COMMD10: variants seen among roughly 807,000 people sequenced by gnomAD.
COMMD10 encodes COMM domain containing 10.
COMMD10 carries 33 observed loss-of-function variants against 28.9 expected under a neutral mutation model. That is an observed-to-expected ratio of 1.14 (90% confidence interval 0.87 to 1.53). The LOEUF (loss-of-function observed/expected upper bound fraction) is 1.53, where lower values mean the gene tolerates loss of function less well. COMMD10 is among the 40% of genes most tolerant of loss of function. The pLI is 0.00. For synonymous variants in COMMD10, 110 were observed against 81.7 expected, an observed-to-expected ratio of 1.35 and a Z score of -1.87; for missense variants, 310 against 233.4, an observed-to-expected ratio of 1.33 and a Z score of -2.14.
At chr5:116,193,547 A>T (rs1001166548) in intron 5 of COMMD10, among the ~76,000 whole-genome samples, 1 of 152,184 alleles carries the variant, frequency 6.6e-6, no homozygotes, top group Non-Finnish European at 1.5e-5. Flanking sequence ...GACAAAACAA[A>T]CTTTAAAGCA....
intron 5 of COMMD10, among the ~76,000 whole-genome samples, chr5:116,168,541 A>G (rs1753210168): frequency 1.3e-5 from 2 of 152,128 alleles, no homozygotes; most frequent in Non-Finnish European, 2.9e-5. Flanking sequence ...TCTTCTCAGC[A>G]CTGCATCCCG....
chr5:116,277,198 T>C (rs1750940543), intron 5 of COMMD10, among the ~76,000 whole-genome samples: 1 of 151,882 alleles, frequency 6.6e-6, no homozygotes, highest in Admixed American at 6.6e-5. Flanking sequence ...TAGTACACAA[T>C]AGACATATTT....
intron 5 of COMMD10, among the ~76,000 whole-genome samples, chr5:116,193,556 C>A (rs1748428955): frequency 6.6e-6 from 1 of 152,090 alleles, no homozygotes; most frequent in African/African-American, 2.4e-5. Context: ...AACTTTAAAG[C>A]AACAGCAGTT....
chr5:116,168,304 G>T (rs1245371442), intron 5 of COMMD10, among the ~76,000 whole-genome samples: 1 of 152,070 alleles, frequency 6.6e-6, no homozygotes, highest in African/African-American at 2.4e-5. Context: ...AAATATATAT[G>T]CACGCAATAC....
At chr5:116,286,193 A>G (rs997161190) in intron 5 of COMMD10, among the ~76,000 whole-genome samples, 1 of 151,466 alleles carries the variant, frequency 6.6e-6, no homozygotes, top group Non-Finnish European at 1.5e-5. Context: ...TTTCTATGGC[A>G]TCTGTTATAA....
chr5:116,147,529 C>G (rs2112546391), intron 5 of COMMD10, among the ~76,000 whole-genome samples: 1 of 151,850 alleles, frequency 6.6e-6, no homozygotes, highest in East Asian at 1.9e-4. Flanking sequence ...GGTTGACTAT[C>G]TGAAATTGAC....
intron 5 of COMMD10, among the ~76,000 whole-genome samples, chr5:116,194,735 C>G (rs773993437): frequency 4.6e-5 from 7 of 152,036 alleles, no homozygotes; most frequent in Admixed American, 6.6e-5. Context: ...AGAATTCTAC[C>G]AGACATTCAA....
chr5:116,243,486 T>G (rs1001720723), intron 5 of COMMD10, among the ~76,000 whole-genome samples: 4 of 152,154 alleles, frequency 2.6e-5, no homozygotes, highest in African/African-American at 9.7e-5. Context: ...AAATTCCTAT[T>G]TGTCACACTA....
At chr5:116,138,529 C>T (rs1395547689) in intron 5 of COMMD10, among the ~76,000 whole-genome samples, 1 of 151,610 alleles carries the variant, frequency 6.6e-6, no homozygotes, top group Non-Finnish European at 1.5e-5. Flanking sequence ...TTTTTTTCCC[C>T]AGTAAATTTC....
At chr5:116,251,003 C>A (rs542380376) in intron 5 of COMMD10, among the ~76,000 whole-genome samples, 5 of 151,914 alleles carry the variant, frequency 3.3e-5, no homozygotes, top group Non-Finnish European at 5.9e-5. Flanking sequence ...CTACCAGTTC[C>A]TGCCTTAAGT....
intron 2 of COMMD10, 148 bp from the exon 3 acceptor site, chr5:116,090,931 A>G: frequency 1.8e-6 from 1 of 547,028 alleles, no homozygotes; most frequent in South Asian, 2.9e-5. Context: ...CATATGTTTT[A>G]TAAATTTACA....
chr5:116,149,278 T>C (rs7702591), intron 5 of COMMD10, among the ~76,000 whole-genome samples: 107,090 of 132,212 alleles, frequency 0.81, 43,689 homozygotes, highest in Non-Finnish European at 0.83. Context: ...GGGTTGGTTC[T>C]AAGTCTTTGC....
intron 5 of COMMD10, among the ~76,000 whole-genome samples, chr5:116,232,835 T>C (rs1749562860): frequency 6.6e-6 from 1 of 152,182 alleles, no homozygotes; most frequent in African/African-American, 2.4e-5. Context: ...TTTACATATA[T>C]TAACTTGTTA....
chr5:116,206,413 G>A (rs554413970), intron 5 of COMMD10, among the ~76,000 whole-genome samples: 3 of 152,260 alleles, frequency 2.0e-5, no homozygotes, highest in East Asian at 1.9e-4. Context: ...CACTTTGGGA[G>A]GCCAAGGTGG....
At position 116,167,773 on chromosome 5, in the gene COMMD10, A is replaced by T. The variant is rs1046729407; in HGVS notation, c.510+33595A>T. ...GGAGAAATAAAATCCTTTACAGACA[A>T]CCAGATACTAAGGGATTTTGTTACC... is the stretch of plus-strand genomic sequence containing the variant. On this transcript the variant is annotated intron_variant, in intron 5 of 6. Transcript: ENST00000274458. Among the ~76,000 whole-genome samples, 8 of 152,258 alleles carry T rather than the reference A, an allele frequency of 5.3e-5. No homozygotes were observed. The South Asian group carries it at 1.5e-3, about 28-fold the overall frequency.
At chr5:116,195,705 G>T (rs371506463) in intron 5 of COMMD10, among the ~76,000 whole-genome samples, 2 of 152,180 alleles carry the variant, frequency 1.3e-5, no homozygotes, top group African/African-American at 4.8e-5. Flanking sequence ...TGAATGGGTA[G>T]AATCAGTATT....
chr5:116,113,315 C>G (rs1751119530), intron 4 of COMMD10, among the ~76,000 whole-genome samples: 1 of 140,418 alleles, frequency 7.1e-6, no homozygotes. Flanking sequence ...TATTTGCCTG[C>G]AGATCATGGA....
chr5:116,167,817 G>T lies in COMMD10; in HGVS notation c.510+33639G>T, dbSNP rs372591377. 5.9e-5 allele frequency among the ~76,000 whole-genome samples: 9 copies of T among 152,202 alleles called. No homozygotes were observed. In the East Asian group the frequency reaches 1.2e-3, roughly 20 times the overall value. On this transcript the variant is annotated intron_variant, in intron 5 of 6. Coordinates refer to ENST00000274458, the MANE Select transcript of COMMD10 (RefSeq NM_016144.4). ...TGTTACCACCAGGGCTGCCTTACAA[G>T]AGCTCCTGAAGGAAACACTAAATAT...
At chr5:116,234,992 T>C (rs1749624232) in intron 5 of COMMD10, among the ~76,000 whole-genome samples, 1 of 152,208 alleles carries the variant, frequency 6.6e-6, no homozygotes, top group Admixed American at 6.5e-5. Flanking sequence ...ACCTAGTCTG[T>C]CTATCTCTTA....
Sources: allele counts gnomAD v4.1 joint callset (sites outside exome capture counted in the v4.1 genomes callset), GRCh38; gene constraint gnomAD v4.1.1; transcripts MANE v1.5; gene names NCBI Gene and HGNC (gene_info 2026-07-23, HGNC 2026-07-21).